Variants in GRM5 observed in about 807,000 individuals in gnomAD.
GRM5 encodes the protein glutamate metabotropic receptor 5.
GRM5 carries 19 observed loss-of-function variants against 83.1 expected under a neutral mutation model. The ratio of observed to expected loss-of-function variants is 0.23; its 90% CI spans 0.16 to 0.34. The LOEUF (loss-of-function observed/expected upper bound fraction) is 0.34. GRM5 is among the 10% of genes least tolerant of loss of function. GRM5 has a pLI of 1.00. For missense variants in GRM5, 1,160 were observed against 1,588.3 expected, an observed-to-expected ratio of 0.73 and a Z score of 4.58; for synonymous variants, 675 against 633.6, an observed-to-expected ratio of 1.07 and a Z score of -0.98.
At chr11:88,863,274 G>T (rs1944599803) in intron 2 of GRM5, among the ~76,000 whole-genome samples, 2 of 151,766 alleles carry the variant, frequency 1.3e-5, no homozygotes, top group South Asian at 2.1e-4. Flanking sequence ...ATACCCAAAG[G>T]AATATAAATC....
At position 88,509,100 on chromosome 11, in the gene GRM5, G is replaced by A. The variant is rs1433808039; in HGVS notation, c.3131C>T (p.Ser1044Leu). ...RTDDDVPSLH[S>L]EPVARSSSSQ... ...GGAGCTGCTGCGCGCCACAGGCTCC[G>A]AGTGCAGCGACGGCACATCGTCGTC... Residue 1044 changes from serine (S) to leucine (L), a missense_variant, in exon 10 of 10, where the codon TCG (serine) becomes TTG (leucine). This residue lies in a region of GRM5 where 562 missense variants were observed against 532.4 expected (regional missense o/e 1.06). Transcript: ENST00000305447. The A allele has an allele frequency of 1.3e-6, 2 of 1,547,816 alleles. No homozygotes were observed. Among genetic ancestry groups the A allele is most frequent in the Non-Finnish European group, 8.7e-7 (1 of 1,146,468 alleles).
At chr11:89,012,867 C>T (rs1267554012) in intron 2 of GRM5, among the ~76,000 whole-genome samples, 1 of 152,208 alleles carries the variant, frequency 6.6e-6, no homozygotes, top group African/African-American at 2.4e-5. Context: ...TCACTCAGTG[C>T]TCTATCTATT....
intron 3 of GRM5, among the ~76,000 whole-genome samples, chr11:88,787,423 A>G (rs1943095288): frequency 6.6e-6 from 1 of 152,102 alleles, no homozygotes. Flanking sequence ...CACACCATAC[A>G]AGGTTGTAGG....
Position 88,604,636 on chromosome 11 carries a change from A to C in GRM5, c.1394+82T>G, listed in dbSNP as rs1938091182. The C allele has an allele frequency of 3.4e-6, 4 of 1,170,250 alleles. No individual in the cohort carries two copies. The Admixed American group carries it at 7.6e-5, about 22-fold the overall frequency. 72.5% of individuals were successfully genotyped at this position (1,170,250 alleles called of 1,614,324 possible). On this transcript the variant is annotated intron_variant, in intron 5 of 9. Coordinates refer to ENST00000305447, the MANE Select transcript of GRM5 (RefSeq NM_001143831.3). ...TACCAGGAAACCTAGATTAACCACA[A>C]AGGAGAGAAAGAGACATTTCAGGAT...
chr11:88,777,365 C>T (rs1942878608), intron 3 of GRM5, among the ~76,000 whole-genome samples: 1 of 152,094 alleles, frequency 6.6e-6, no homozygotes, highest in African/African-American at 2.4e-5. Flanking sequence ...TTTTAGCTTC[C>T]TTGCAGTGGG....
chr11:88,659,506 A>G (rs2135315372), intron 3 of GRM5, among the ~76,000 whole-genome samples: 1 of 152,320 alleles, frequency 6.6e-6, no homozygotes, highest in Middle Eastern at 3.4e-3. Context: ...CAAAAATATG[A>G]GAGAAAAATG....
chr11:88,653,629 C>T (rs946413534), intron 3 of GRM5, among the ~76,000 whole-genome samples: 5 of 152,034 alleles, frequency 3.3e-5, no homozygotes, highest in East Asian at 1.9e-4. Flanking sequence ...ACTAACCTCA[C>T]TTACCTTAAA....
At chr11:88,584,562 A>G (rs1591364773) in intron 7 of GRM5, among the ~76,000 whole-genome samples, 1 of 151,526 alleles carries the variant, frequency 6.6e-6, no homozygotes, top group African/African-American at 2.4e-5. Context: ...CCTGCCTCAG[A>G]CTCCTGAGTA....
intron 2 of GRM5, among the ~76,000 whole-genome samples, chr11:89,008,789 A>G (rs1197106259): frequency 6.6e-6 from 1 of 152,204 alleles, no homozygotes; most frequent in Non-Finnish European, 1.5e-5. Context: ...ATTACCATCC[A>G]TAAGTAATGA....
intron 4 of GRM5, among the ~76,000 whole-genome samples, chr11:88,611,362 G>A (rs1156686279): frequency 6.6e-6 from 1 of 152,116 alleles, no homozygotes; most frequent in Non-Finnish European, 1.5e-5. Context: ...TTTTTGGCTG[G>A]TAGGCTTTTT....
At chr11:88,762,031 T>C (rs550121735) in intron 3 of GRM5, among the ~76,000 whole-genome samples, 1 of 152,246 alleles carries the variant, frequency 6.6e-6, no homozygotes, top group African/African-American at 2.4e-5. Context: ...TCAAGCCATA[T>C]ACAAAAATCA....
chr11:88,913,806 C>T (rs563963), intron 2 of GRM5, among the ~76,000 whole-genome samples: 80,181 of 151,686 alleles, frequency 0.53, 21,907 homozygotes, highest in South Asian at 0.66. Flanking sequence ...AGGCTGGTCT[C>T]GAACTCCTGA....
At chr11:88,626,748 A>T (rs1334833300) in intron 4 of GRM5, among the ~76,000 whole-genome samples, 1 of 152,186 alleles carries the variant, frequency 6.6e-6, no homozygotes, top group Non-Finnish European at 1.5e-5. Context: ...TGAGCTAATG[A>T]GGGTAGCCTG....
At chr11:88,524,200 T>A in intron 9 of GRM5, 1 of 106,226 alleles carries the variant, frequency 9.4e-6, no homozygotes, top group Non-Finnish European at 1.9e-5. Flanking sequence ...TTTTCTTTCT[T>A]TCTTTCTTTC....
intron 3 of GRM5, among the ~76,000 whole-genome samples, chr11:88,680,148 G>A (rs1565183678): frequency 6.6e-6 from 1 of 152,106 alleles, no homozygotes; most frequent in Admixed American, 6.6e-5. Flanking sequence ...TGTTACACAT[G>A]AATACATGTG....
intron 4 of GRM5, among the ~76,000 whole-genome samples, chr11:88,629,481 C>T (rs1938899846): frequency 6.6e-6 from 1 of 152,154 alleles, no homozygotes; most frequent in Non-Finnish European, 1.5e-5. Context: ...GAGACCCCCT[C>T]CAGAGGTAGA....
intron 9 of GRM5, among the ~76,000 whole-genome samples, chr11:88,514,195 A>T (rs1457288939): frequency 2.0e-5 from 3 of 152,174 alleles, no homozygotes; most frequent in Non-Finnish European, 2.9e-5. Flanking sequence ...ATATGATGCC[A>T]TCTAATGTTC....
At position 88,879,243 on chromosome 11, in the gene GRM5, A is replaced by G. The variant is rs1252085793; in HGVS notation, c.662-29088T>C. On this transcript the variant is annotated intron_variant, in intron 2 of 9. Coordinates refer to ENST00000305447, the MANE Select transcript of GRM5 (RefSeq NM_001143831.3). ...TAGATTAAATAGATTAAAATGTAACATTTTCCTCTCTTAAAAATAACAAAC... is the reference window on the plus strand; with the variant it reads ...TAGATTAAATAGATTAAAATGTAACGTTTTCCTCTCTTAAAAATAACAAAC... Among the ~76,000 whole-genome samples, 4 of 152,164 alleles carry G rather than the reference A, an allele frequency of 2.6e-5. No homozygotes were observed. The East Asian group carries it at 5.8e-4, about 22-fold the overall frequency.
chr11:88,995,473 A>C (rs1156992940), intron 2 of GRM5, among the ~76,000 whole-genome samples: 3 of 136,664 alleles, frequency 2.2e-5, no homozygotes, highest in Non-Finnish European at 4.6e-5. Flanking sequence ...TGAACCCGGG[A>C]GGTAGAGGTT....
Sources: allele counts gnomAD v4.1 joint callset (sites outside exome capture counted in the v4.1 genomes callset), GRCh38; gene constraint gnomAD v4.1.1; regional missense constraint gnomAD v4.1.1; transcripts MANE v1.5; gene names NCBI Gene and HGNC (gene_info 2026-07-23, HGNC 2026-07-21).